The following FAM174B variants were observed in gnomAD, a reference collection of about 807,000 sequenced individuals.
The protein encoded by FAM174B is membrane protein FAM174B.
In FAM174B, 12 loss-of-function variants were observed where a neutral mutation model predicts 10.9. That is an observed-to-expected ratio of 1.10 (90% CI 0.71 to 1.79). The LOEUF (loss-of-function observed/expected upper bound fraction) is 1.79, where lower values mean the gene tolerates loss of function less well. Ranked by LOEUF, FAM174B falls within the 40% of genes most tolerant of loss-of-function variation. The probability of loss-of-function intolerance (pLI) is 0.00; values close to 1 mark genes in which losing one functional copy is unlikely to be tolerated. For missense variants in FAM174B, 266 were observed against 233.3 expected (o/e 1.14, Z -0.91); for synonymous variants, 132 against 115.8 (o/e 1.14, Z -0.90).
intron 2 of FAM174B, among the ~76,000 whole-genome samples, chr15:92,626,187 C>T (rs962765929): frequency 7.6e-6 from 1 of 131,658 alleles, no homozygotes; most frequent in Non-Finnish European, 1.5e-5. Flanking sequence ...CAATCTCTGC[C>T]TCCTGGGTTC....
intron 1 of FAM174B, among the ~76,000 whole-genome samples, chr15:92,637,741 C>T (rs769561050): frequency 3.9e-5 from 6 of 152,214 alleles, no homozygotes; most frequent in South Asian, 2.1e-4. Context: ...AACTGCACCT[C>T]CCAGAACTGC....
chr15:92,637,701 G>A (rs564476203), intron 1 of FAM174B, among the ~76,000 whole-genome samples: 18 of 152,296 alleles, frequency 1.2e-4, no homozygotes, highest in African/African-American at 4.1e-4. Flanking sequence ...CTACCTGTAA[G>A]CAGGCTTTCA....
chr15:92,653,844 G>A (rs577297460), intron 1 of FAM174B, among the ~76,000 whole-genome samples: 2 of 152,266 alleles, frequency 1.3e-5, no homozygotes, highest in South Asian at 2.1e-4. Flanking sequence ...AGCGCTGGTT[G>A]ATGTCTGCGT....
chr15:92,628,460 A>G (rs1401156021), intron 2 of FAM174B, among the ~76,000 whole-genome samples: 1 of 149,888 alleles, frequency 6.7e-6, no homozygotes, highest in African/African-American at 2.5e-5. Context: ...GACTACACGC[A>G]TGAGCCACCA....
rs2050689586 is a variant in FAM174B, at chr15:92,617,863, C to T, written c.*1593G>A. On this transcript the variant is annotated 3_prime_UTR_variant, in exon 3 of 3. Transcript: ENST00000327355. ...TGAAATGCAGGGAGCAGAGACTACA[C>T]GCAGGCCCCCCGTGGCTGGCAATAC... 2 of 462,630 alleles carry T rather than the reference C, an allele frequency of 4.3e-6. No homozygotes were observed. The highest frequency in any genetic ancestry group is 7.6e-6 in the Non-Finnish European group (2 of 264,200). The allele number at this position is 462,630 out of a possible 1,614,324, so 28.7% of individuals were successfully genotyped here.
At chr15:92,634,849 A>G (rs1036250687) in intron 1 of FAM174B, among the ~76,000 whole-genome samples, 1 of 152,160 alleles carries the variant, frequency 6.6e-6, no homozygotes, top group Non-Finnish European at 1.5e-5. Flanking sequence ...CTTGAATAGA[A>G]CAAAAAAACA....
intron 1 of FAM174B, among the ~76,000 whole-genome samples, chr15:92,630,808 TATTTTATATATTACATATTATATATTA>T (rs2050790041): frequency 6.3e-5 from 2 of 31,774 alleles, no homozygotes; most frequent in African/African-American, 1.2e-4. Flanking sequence ...ATATTATATA[TATTTTATATATTACATATTATATATTA>T]TATATATTAC....
chr15:92,625,952 G>A lies in FAM174B; in HGVS notation c.476+4262C>T, dbSNP rs2050749522. Among the ~76,000 whole-genome samples the A allele has an allele frequency of 4.0e-5, 6 of 150,290 alleles. No individual in the cohort carries two copies. The South Asian group carries it at 1.3e-3, about 32-fold the overall frequency. ...AGCACAAACTTCTCAAGGAAGGGAAGCAGAAAAGGCAAAAGCAAAGCAAAA... is the reference window on the plus strand; with the variant it reads ...AGCACAAACTTCTCAAGGAAGGGAAACAGAAAAGGCAAAAGCAAAGCAAAA... On this transcript the variant is annotated intron_variant, in intron 2 of 2. Coordinates refer to ENST00000327355, the MANE Select transcript of FAM174B (RefSeq NM_207446.3).
intron 2 of FAM174B, among the ~76,000 whole-genome samples, chr15:92,621,058 G>C (rs2050716234): frequency 6.6e-6 from 1 of 152,080 alleles, no homozygotes; most frequent in Non-Finnish European, 1.5e-5. Flanking sequence ...CTATTTACTA[G>C]AAGATGTAAA....
chr15:92,623,532 A>G (rs1486173705), intron 2 of FAM174B, among the ~76,000 whole-genome samples: 1 of 152,180 alleles, frequency 6.6e-6, no homozygotes, highest in East Asian at 1.9e-4. Flanking sequence ...ACCATCCCAC[A>G]CGAGGAGAGT....
At chr15:92,623,220 G>A (rs1439251862) in intron 2 of FAM174B, among the ~76,000 whole-genome samples, 1 of 151,574 alleles carries the variant, frequency 6.6e-6, no homozygotes, top group Non-Finnish European at 1.5e-5. Flanking sequence ...CAGGCCCCTC[G>A]AGGGCAGGGC....
chr15:92,629,990 T>C (rs897664509), intron 2 of FAM174B, among the ~76,000 whole-genome samples: 1 of 152,040 alleles, frequency 6.6e-6, no homozygotes, highest in Non-Finnish European at 1.5e-5. Context: ...GAAATGTGAG[T>C]CAATTAAACC....
intron 1 of FAM174B, among the ~76,000 whole-genome samples, chr15:92,643,823 A>G (rs2050908013): frequency 6.6e-6 from 1 of 152,206 alleles, no homozygotes; most frequent in East Asian, 1.9e-4. Context: ...CCCAAGGACC[A>G]GCGTTCTGCC....
In FAM174B at chr15:92,618,493, G is replaced by A. The variant is rs113520022; in HGVS notation, c.*963C>T. 2,731 of 152,468 alleles carry A rather than the reference G, an allele frequency of 0.018. 40 individuals are homozygous for A. Among genetic ancestry groups the A allele is most frequent in the African/African-American group, 0.042 (1,734 of 41,556 alleles). The allele number at this position is 152,468 out of a possible 1,614,324, so 9.4% of individuals were successfully genotyped here. Reference sequence around the variant, plus strand: ...CCAGGTGGGTTCCTAGTCCAGCCCCGTCTAGACTGACTTCAAATATAGTCC... The same window carrying A: ...CCAGGTGGGTTCCTAGTCCAGCCCCATCTAGACTGACTTCAAATATAGTCC... On this transcript the variant is annotated 3_prime_UTR_variant, in exon 3 of 3. Transcript: ENST00000327355.
intron 1 of FAM174B, among the ~76,000 whole-genome samples, chr15:92,646,866 G>A (rs1475450468): frequency 6.6e-6 from 1 of 152,096 alleles, no homozygotes; most frequent in African/African-American, 2.4e-5. Flanking sequence ...TGCCTTTCTG[G>A]ACCAAACCAA....
At chr15:92,641,771 T>C (rs1459317459) in intron 1 of FAM174B, among the ~76,000 whole-genome samples, 1 of 152,068 alleles carries the variant, frequency 6.6e-6, no homozygotes, top group African/African-American at 2.4e-5. Context: ...TTATTAAATA[T>C]GACACCAGAA....
intron 1 of FAM174B, among the ~76,000 whole-genome samples, chr15:92,635,096 G>GCC (rs141173730): frequency 0.18 from 24,840 of 141,124 alleles, 2,160 homozygotes; most frequent in Middle Eastern, 0.26. Context: ...CTTACGATAA[G>GCC]CCTCTCTCTC....
In FAM174B at chr15:92,655,345, G is replaced by T. The variant is rs1370511306; in HGVS notation, c.315C>A (p.Leu105=). 6.3e-7 allele frequency: 1 copy of T among 1,581,172 alleles called. No individual in the cohort carries two copies. Among genetic ancestry groups the T allele is most frequent in the African/African-American group, 1.4e-5 (1 of 71,856 alleles). ...VIVAFAFTTL[L]IACLLLRVFR... Reference sequence around the variant, plus strand: ...AGACGCGCAGCAGCAGGCAGGCGATGAGGAGGGTGGTAAAGGCGAACGCCA... The same window carrying T: ...AGACGCGCAGCAGCAGGCAGGCGATTAGGAGGGTGGTAAAGGCGAACGCCA... The change falls in exon 1 of 3, where the codon CTC becomes CTA. Residue 105 remains leucine, a synonymous_variant. Coordinates refer to ENST00000327355, the MANE Select transcript of FAM174B (RefSeq NM_207446.3).
chr15:92,630,851 A>G (rs2050791943), intron 1 of FAM174B, among the ~76,000 whole-genome samples: 1 of 64,334 alleles, frequency 1.6e-5, no homozygotes, highest in Admixed American at 1.7e-4. Flanking sequence ...ATTACATATT[A>G]CATGTTACAT....
Sources: allele counts gnomAD v4.1 joint callset (sites outside exome capture counted in the v4.1 genomes callset), GRCh38; gene constraint gnomAD v4.1.1; transcripts MANE v1.5; gene names NCBI Gene and HGNC (gene_info 2026-07-23, HGNC 2026-07-21).